The following CBX7 variants were observed in gnomAD, a reference collection of about 807,000 sequenced individuals.
CBX7 encodes the protein chromobox protein homolog 7.
Under a neutral mutation model 31.4 loss-of-function variants are expected in CBX7, and 14 were observed. The ratio of observed to expected loss-of-function variants is 0.45; its 90% confidence interval spans 0.29 to 0.70. The LOEUF (loss-of-function observed/expected upper bound fraction) is 0.70, where lower values mean the gene tolerates loss of function less well. Among genes scored for constraint, CBX7 ranks in the 30% least tolerant of loss-of-function variants. The pLI is 0.11. For missense variants in CBX7, 269 were observed against 351.9 expected, an observed-to-expected ratio of 0.76 and a Z score of 1.89; for synonymous variants, 159 against 152.6, an observed-to-expected ratio of 1.04 and a Z score of -0.31.
In CBX7 at chr22:39,152,488, G is replaced by A. The variant is rs1261531018; in HGVS notation, c.-44C>T. On this transcript the variant is annotated 5_prime_UTR_variant, in exon 1 of 6. Coordinates refer to ENST00000216133, the MANE Select transcript of CBX7 (RefSeq NM_175709.5). The surrounding 1 kb of genome is among the most constrained non-coding windows in gnomAD (Gnocchi z 4.9). ...GGGCCCGGGGCCGGGCCGGGCCGGG[G>A]GCGGAGCTGCGGGGCCGCGGCTGCG... The A allele has an allele frequency of 2.2e-6, 2 of 920,674 alleles. No individual in the cohort carries two copies. Among genetic ancestry groups the A allele is most frequent in the Non-Finnish European group, 2.6e-6 (2 of 764,316 alleles). The allele number at this position is 920,674 out of a possible 1,614,324, so 57.0% of individuals were successfully genotyped here.
chr22:39,151,382 G>A (rs1429277911), intron 1 of CBX7, among the ~76,000 whole-genome samples: 1 of 152,182 alleles, frequency 6.6e-6, no homozygotes, highest in Admixed American at 6.5e-5. Context: ...GGAGAAAGAA[G>A]ATGGGCTGCC....
At chr22:39,150,043 C>A (rs1229694133) in intron 1 of CBX7, among the ~76,000 whole-genome samples, 1 of 152,148 alleles carries the variant, frequency 6.6e-6, no homozygotes, top group Admixed American at 6.5e-5. Flanking sequence ...ACTGCCCTCC[C>A]TAGGACAGCA....
At chr22:39,142,763 G>T (rs541486933) in intron 2 of CBX7, among the ~76,000 whole-genome samples, 362 of 152,238 alleles carry the variant, frequency 2.4e-3, no homozygotes, top group Non-Finnish European at 4.2e-3. Flanking sequence ...AACAATATAT[G>T]TACAGTCAAG....
At chr22:39,139,787 A>G (rs5757495) in intron 3 of CBX7, among the ~76,000 whole-genome samples, 31,540 of 148,358 alleles carry the variant, frequency 0.21, 3,895 homozygotes, top group East Asian at 0.42. Context: ...AAAATTAGCC[A>G]GGCACGGTGG....
chr22:39,152,278 C>G lies in CBX7; in HGVS notation c.69+98G>C, dbSNP rs1162170849. On this transcript the variant is annotated intron_variant, in intron 1 of 5. Coordinates refer to ENST00000216133, the MANE Select transcript of CBX7 (RefSeq NM_175709.5). The surrounding 1 kb of genome is among the most constrained non-coding windows in gnomAD (Gnocchi z 4.9). ...CAGCGCAGGGCTGCCGGGGCCCCCGCGCCCCGCTTTCCCCTTCAGCCCCAG... is the reference window on the plus strand; with the variant it reads ...CAGCGCAGGGCTGCCGGGGCCCCCGGGCCCCGCTTTCCCCTTCAGCCCCAG... 1 of 740,864 alleles carries G rather than the reference C, an allele frequency of 1.3e-6. No individual in the cohort carries two copies. Among genetic ancestry groups the G allele is most frequent in the African/African-American group, 1.9e-5 (1 of 53,172 alleles). The allele number at this position is 740,864 out of a possible 1,614,324, so 45.9% of individuals were successfully genotyped here.
chr22:39,151,090 G>A (rs559838171), intron 1 of CBX7, among the ~76,000 whole-genome samples: 5 of 152,326 alleles, frequency 3.3e-5, no homozygotes, highest in South Asian at 2.1e-4. Flanking sequence ...ACTGGCCGAA[G>A]GAATGATGAT....
intron 1 of CBX7, among the ~76,000 whole-genome samples, chr22:39,151,894 G>A (rs1165187659): frequency 1.3e-5 from 2 of 151,966 alleles, no homozygotes; most frequent in African/African-American, 2.4e-5. Context: ...GGCGTAGAGG[G>A]GGCAGGATCG....
At chr22:39,148,475 T>C (rs1423774079) in intron 2 of CBX7, 1 of 152,224 alleles carries the variant, frequency 6.6e-6, no homozygotes, top group Non-Finnish European at 1.5e-5. Context: ...GGCAGGGGTG[T>C]GCGCGCCCAG....
chr22:39,140,334 A>G (rs886930248), intron 3 of CBX7, among the ~76,000 whole-genome samples: 2 of 152,142 alleles, frequency 1.3e-5, no homozygotes, highest in African/African-American at 2.4e-5. Context: ...ACCACGCTCC[A>G]TGGGATTCCC....
chr22:39,139,544 T>C (rs1930375015), intron 3 of CBX7, among the ~76,000 whole-genome samples: 1 of 150,548 alleles, frequency 6.6e-6, no homozygotes, highest in Admixed American at 6.6e-5. Context: ...CTACTAAAAA[T>C]ACAAAAAAAT....
In CBX7 at chr22:39,138,630, G is replaced by A. The variant is rs200771175; in HGVS notation, c.246+6C>T. The A allele has an allele frequency of 4.3e-5, 70 of 1,613,732 alleles. No homozygotes were observed. In the African/African-American group the frequency reaches 5.5e-4, roughly 13 times the overall value. ...GAGAAAGGAGGCACAAAGGCAGGCT[G>A]GTTACCTGCAGCAGAAGCCGCTTGG... On this transcript the variant is annotated splice_donor_region_variant and intron_variant, in intron 4 of 5. Coordinates refer to ENST00000216133, the MANE Select transcript of CBX7 (RefSeq NM_175709.5).
chr22:39,144,002 G>A (rs1930552083), intron 2 of CBX7, among the ~76,000 whole-genome samples: 1 of 152,242 alleles, frequency 6.6e-6, no homozygotes, highest in South Asian at 2.1e-4. Context: ...GCTCTGCTAG[G>A]TAAGACGGAA....
In CBX7 at chr22:39,131,465, T is replaced by C. The variant is rs1930036147; in HGVS notation, c.*2426A>G. ...ACAGCCGTAGGTGACCTCATAGAGG[T>C]CACCTGTCCTGGAGGATGGTCCTAA... is the stretch of plus-strand genomic sequence containing the variant. On this transcript the variant is annotated 3_prime_UTR_variant, in exon 6 of 6. Transcript: ENST00000216133. The C allele has an allele frequency of 6.6e-6, 1 of 152,474 alleles. No individual in the cohort carries two copies. The highest frequency in any genetic ancestry group is 2.1e-4 in the South Asian group (1 of 4,824). The allele number at this position is 152,474 out of a possible 1,614,324, so 9.4% of individuals were successfully genotyped here.
intron 1 of CBX7, 106 bp from the exon 2 acceptor site, chr22:39,149,938 G>A (rs1930794080): frequency 2.4e-6 from 2 of 849,520 alleles, no homozygotes; most frequent in Admixed American, 1.8e-5. Flanking sequence ...CCCATCTGCA[G>A]ACAGGTGTCT....
intron 2 of CBX7, chr22:39,147,782 C>G (rs1479985919): frequency 6.6e-6 from 1 of 152,252 alleles, no homozygotes; most frequent in South Asian, 2.1e-4. Context: ...TCAGTTTCCC[C>G]ATCTGAAAAA....
intron 4 of CBX7, among the ~76,000 whole-genome samples, chr22:39,137,596 G>A (rs1011088865): frequency 5.9e-5 from 9 of 152,142 alleles, no homozygotes; most frequent in Non-Finnish European, 8.8e-5. Flanking sequence ...TGATCCACCC[G>A]CCTCGGCCTC....
At chr22:39,139,210 GTCCCAT>G (rs2146357342) in intron 3 of CBX7, among the ~76,000 whole-genome samples, 1 of 152,284 alleles carries the variant, frequency 6.6e-6, no homozygotes, top group South Asian at 2.1e-4. Context: ...TACCCTGTCT[GTCCCAT>G]CTTGTCGGGG....
chr22:39,132,317 G>A lies in CBX7; in HGVS notation c.*1574C>T, dbSNP rs375132757. ...GGACACAGAGCAGAGCTGCGAGGAG[G>A]GCGGGCAGGTCTCAAACTTGCTGGC... is the stretch of plus-strand genomic sequence containing the variant. On this transcript the variant is annotated 3_prime_UTR_variant, in exon 6 of 6. Transcript: ENST00000216133. 2 of 152,190 alleles carry A rather than the reference G, an allele frequency of 1.3e-5. No homozygotes were observed. Among genetic ancestry groups the A allele is most frequent in the African/African-American group, 2.4e-5 (1 of 41,416 alleles). 9.4% of individuals were successfully genotyped at this position (152,190 alleles called of 1,614,324 possible).
At chr22:39,134,898 C>T (rs1016329583) in intron 4 of CBX7, 146 bp from the exon 5 acceptor site, 68 of 617,928 alleles carry the variant, frequency 1.1e-4, no homozygotes, top group Non-Finnish European at 1.6e-4. Flanking sequence ...TGGCCATCAC[C>T]CCACCCCACC....
Sources: gnomAD v4.1 joint callset for allele counts (sites outside exome capture counted in the v4.1 genomes callset) on GRCh38, gnomAD v4.1.1 for gene constraint, Gnocchi (gnomAD v3.1) non-coding constraint, MANE v1.5 for transcripts, NCBI Gene and HGNC (gene_info 2026-07-23, HGNC 2026-07-21) for gene names.